KCND2: variants seen among roughly 807,000 people sequenced by gnomAD.
KCND2 encodes the protein A-type voltage-gated potassium channel KCND2.
A neutral mutation model predicts 54.4 loss-of-function variants in KCND2; 16 were observed. The observed-to-expected ratio is 0.29, with a 90% CI of 0.20 to 0.45. The LOEUF is 0.45. Among genes scored for constraint, KCND2 ranks in the 20% least tolerant of loss-of-function variants. The probability of loss-of-function intolerance (pLI) is 1.00; values close to 1 mark genes in which losing one functional copy is unlikely to be tolerated. For missense variants in KCND2, 486 were observed against 824.2 expected (o/e 0.59, Z 5.02); for synonymous variants, 317 against 310.7 (o/e 1.02, Z -0.21).
chr7:120,740,704 C>A, intron 2 of KCND2: 1 of 293,060 alleles, frequency 3.4e-6, no homozygotes, highest in Non-Finnish European at 6.9e-6. Flanking sequence ...CCACCTAAAC[C>A]CTCTACATTG....
At chr7:120,423,979 G>T (rs1023949329) in intron 1 of KCND2, among the ~76,000 whole-genome samples, 1 of 152,126 alleles carries the variant, frequency 6.6e-6, no homozygotes, top group Non-Finnish European at 1.5e-5. Flanking sequence ...TTAGCTATAA[G>T]GTACTGTCTC....
chr7:120,526,769 G>T (rs1486937364), intron 1 of KCND2, among the ~76,000 whole-genome samples: 1 of 152,038 alleles, frequency 6.6e-6, no homozygotes, highest in Non-Finnish European at 1.5e-5. Context: ...TAAATGCTAT[G>T]ATACTCACAC....
chr7:120,284,614 G>A (rs923932608), intron 1 of KCND2, among the ~76,000 whole-genome samples: 2 of 152,086 alleles, frequency 1.3e-5, no homozygotes, highest in African/African-American at 4.8e-5. Context: ...TTAGAGTCAT[G>A]GAATTTTGAC....
At chr7:120,490,349 C>T (rs1802761171) in intron 1 of KCND2, among the ~76,000 whole-genome samples, 1 of 152,114 alleles carries the variant, frequency 6.6e-6, no homozygotes, top group Non-Finnish European at 1.5e-5. Context: ...TTCATTTAAG[C>T]TCATCACTGT....
chr7:120,558,799 C>G (rs575039111), intron 1 of KCND2, among the ~76,000 whole-genome samples: 8 of 152,082 alleles, frequency 5.3e-5, no homozygotes, highest in Non-Finnish European at 1.2e-4. Flanking sequence ...AATATCTACT[C>G]TCCTTGTCTG....
chr7:120,630,423 A>G (rs1231064853), intron 1 of KCND2, among the ~76,000 whole-genome samples: 1 of 152,150 alleles, frequency 6.6e-6, no homozygotes, highest in African/African-American at 2.4e-5. Flanking sequence ...TTAGATGTCA[A>G]TTTCCATTGC....
At chr7:120,653,890 G>C (rs1791769606) in intron 1 of KCND2, among the ~76,000 whole-genome samples, 1 of 152,138 alleles carries the variant, frequency 6.6e-6, no homozygotes, top group South Asian at 2.1e-4. Context: ...ATATGGAAGA[G>C]GAAGCCATTA....
chr7:120,330,581 CAAAAAAAAAA>C lies in KCND2; in HGVS notation c.1115+54851_1115+54860del, dbSNP rs3067024. ...GGGTGACAAGAGCAAAACTCTGTCT[CAAAAAAAAAA>C]AAAAAAAAAAAAAAAAGTTAGCTAA... On this transcript the variant is annotated intron_variant, in intron 1 of 5. Transcript: ENST00000331113. Among the ~76,000 whole-genome samples the C allele has an allele frequency of 3.1e-4, 15 of 48,388 alleles. No homozygotes were observed. The East Asian group carries it at 4.5e-3, about 14-fold the overall frequency. 31.7% of individuals were successfully genotyped at this position (48,388 alleles called of 152,430 possible). A position where few individuals can be genotyped will look rare whatever the true frequency, so the allele number is the denominator to read the frequency against.
At chr7:120,435,084 CA>C (rs1361210671) in intron 1 of KCND2, among the ~76,000 whole-genome samples, 1 of 141,254 alleles carries the variant, frequency 7.1e-6, no homozygotes, top group Non-Finnish European at 1.6e-5. Flanking sequence ...GAATAACAAA[CA>C]ATAAATTTTA....
chr7:120,461,911 G>A (rs1209378333), intron 1 of KCND2, among the ~76,000 whole-genome samples: 1 of 151,752 alleles, frequency 6.6e-6, no homozygotes, highest in Non-Finnish European at 1.5e-5. Flanking sequence ...CAAGAAAGTT[G>A]GATTCTTACA....
chr7:120,415,115 A>G (rs187863135), intron 1 of KCND2, among the ~76,000 whole-genome samples: 98 of 152,302 alleles, frequency 6.4e-4, no homozygotes, highest in Non-Finnish European at 1.0e-3. Context: ...TAACTACTTT[A>G]TATTTGTTAG....
At chr7:120,369,568 T>C (rs1253109667) in intron 1 of KCND2, among the ~76,000 whole-genome samples, 1 of 152,058 alleles carries the variant, frequency 6.6e-6, no homozygotes, top group Non-Finnish European at 1.5e-5. Context: ...TCAATCCAGA[T>C]GTAGAGTCTG....
intron 1 of KCND2, among the ~76,000 whole-genome samples, chr7:120,388,121 G>T (rs185662836): frequency 6.6e-6 from 1 of 152,138 alleles, no homozygotes; most frequent in African/African-American, 2.4e-5. Flanking sequence ...TGGAAGTTTA[G>T]AGCATCTAGC....
chr7:120,733,072 A>G lies in KCND2; in HGVS notation c.1278+7A>G, dbSNP rs2116147039. 6.2e-7 allele frequency: 1 copy of G among 1,613,332 alleles called. No individual in the cohort carries two copies. The highest frequency in any genetic ancestry group is 8.5e-7 in the Non-Finnish European group (1 of 1,179,496). On this transcript the variant is annotated splice_region_variant and intron_variant, in intron 2 of 5. Coordinates refer to ENST00000331113, the MANE Select transcript of KCND2 (RefSeq NM_012281.3). ...CAAACGAAGGGCACAAAAGGTGCGT[A>G]TTCAACTCCGTGCAACCATGGTTTA...
chr7:120,530,250 T>G (rs1311072369), intron 1 of KCND2, among the ~76,000 whole-genome samples: 1 of 152,160 alleles, frequency 6.6e-6, no homozygotes, highest in Non-Finnish European at 1.5e-5. Context: ...CCATGATGTA[T>G]TGCATGCCTA....
At chr7:120,498,714 G>T (rs1039535049) in intron 1 of KCND2, among the ~76,000 whole-genome samples, 1 of 152,150 alleles carries the variant, frequency 6.6e-6, no homozygotes, top group Admixed American at 6.5e-5. Flanking sequence ...GGCAGAGGTT[G>T]CAGTAAGCCA....
chr7:120,626,605 G>A (rs891249928), intron 1 of KCND2, among the ~76,000 whole-genome samples: 28 of 152,100 alleles, frequency 1.8e-4, no homozygotes, highest in African/African-American at 6.8e-4. Flanking sequence ...GTCTATAATT[G>A]ATGGCACTAA....
chr7:120,311,177 G>A (rs1289889300), intron 1 of KCND2, among the ~76,000 whole-genome samples: 4 of 152,048 alleles, frequency 2.6e-5, no homozygotes, highest in Non-Finnish European at 4.4e-5. Flanking sequence ...ACAGAGTGTA[G>A]ACATATGCTG....
intron 1 of KCND2, among the ~76,000 whole-genome samples, chr7:120,351,960 C>T (rs1800414984): frequency 6.6e-6 from 1 of 151,954 alleles, no homozygotes; most frequent in Non-Finnish European, 1.5e-5. Context: ...TGCGGGCATG[C>T]ACCACCACAC....
Sources: allele counts gnomAD v4.1 joint callset (sites outside exome capture counted in the v4.1 genomes callset), GRCh38; gene constraint gnomAD v4.1.1; transcripts MANE v1.5; gene names NCBI Gene and HGNC (gene_info 2026-07-23, HGNC 2026-07-21).